SMIM36: variants seen among roughly 807,000 people sequenced by gnomAD.
SMIM36 encodes the protein small integral membrane protein 36.
At chr17:55,467,582 G>C (rs775871725) in intron 3 of SMIM36, among the ~76,000 whole-genome samples, 4 of 152,086 alleles carry the variant, frequency 2.6e-5, no homozygotes, top group Non-Finnish European at 4.4e-5. Flanking sequence ...ATTTTTAGTA[G>C]AGACGGGGTT....
At chr17:55,517,542 G>A in the SMIM36 span, among the ~76,000 whole-genome samples, 3 of 152,178 alleles carry the variant, frequency 2.0e-5, no homozygotes, top group African/African-American at 4.8e-5. Context: ...TAGCCTGGGC[G>A]ACAGAGTGAG....
chr17:55,529,449 G>A, the SMIM36 span, among the ~76,000 whole-genome samples: 1 of 151,916 alleles, frequency 6.6e-6, no homozygotes, highest in Admixed American at 6.6e-5. Flanking sequence ...ATGGTGAAAT[G>A]CCCTCTATAC....
At chr17:55,515,084 G>GTTTTTTTTT (rs1567874075), upstream of SMIM36, among the ~76,000 whole-genome samples, 1 of 56,102 alleles carries the variant, frequency 1.8e-5, no homozygotes, top group Non-Finnish European at 7.1e-5. Context: ...TTCTAGTCTA[G>GTTTTTTTTT]TGTTTTTTTT....
rs558922885 is a variant in SMIM36, at chr17:55,483,603, C to A, written c.*175-4023G>T. Among the ~76,000 whole-genome samples, 9 of 152,248 alleles carry A rather than the reference C, an allele frequency of 5.9e-5. 1 individual carries two copies. The South Asian group carries it at 1.9e-3, about 32-fold the overall frequency. On this transcript the variant is annotated intron_variant, in intron 1 of 4. Coordinates refer to ENST00000636752, the Ensembl canonical transcript of SMIM36. Reference sequence around the variant, plus strand: ...AACTCTCCTCTGGGTTTCTAGTCTGCCTGCCTGCCCTACATATTTCAGAAA... The same window carrying A: ...AACTCTCCTCTGGGTTTCTAGTCTGACTGCCTGCCCTACATATTTCAGAAA...
chr17:55,454,551 G>T (rs898114513), intron 4 of SMIM36, among the ~76,000 whole-genome samples: 10 of 152,108 alleles, frequency 6.6e-5, no homozygotes, highest in African/African-American at 2.2e-4. Flanking sequence ...AACAACTGGG[G>T]ATAACCACTC....
At chr17:55,486,031 T>C (rs998440498) in intron 1 of SMIM36, among the ~76,000 whole-genome samples, 10 of 132,110 alleles carry the variant, frequency 7.6e-5, no homozygotes, top group African/African-American at 2.9e-4. Context: ...TTTTTTTTTT[T>C]CCTTTATTCT....
chr17:55,492,929 T>C (rs1909739099), intron 1 of SMIM36, among the ~76,000 whole-genome samples: 1 of 152,244 alleles, frequency 6.6e-6, no homozygotes, highest in Non-Finnish European at 1.5e-5. Flanking sequence ...TGAGAACATT[T>C]GTCACGGTTT....
chr17:55,517,222 G>C, the SMIM36 span, among the ~76,000 whole-genome samples: 1 of 152,194 alleles, frequency 6.6e-6, no homozygotes, highest in Non-Finnish European at 1.5e-5. Context: ...ATAATGGAGA[G>C]TTTCTAAGAC....
chr17:55,526,694 T>C, the SMIM36 span, among the ~76,000 whole-genome samples: 1 of 152,208 alleles, frequency 6.6e-6, no homozygotes, highest in Non-Finnish European at 1.5e-5. Context: ...TTTTCTCATT[T>C]TCCACTTCTT....
chr17:55,510,032 C>T (rs552301393), intron 1 of SMIM36, among the ~76,000 whole-genome samples: 1 of 152,052 alleles, frequency 6.6e-6, no homozygotes, highest in Admixed American at 6.5e-5. Flanking sequence ...CATAGCTAAC[C>T]CTGTGTGTCA....
chr17:55,485,466 T>TTC (rs33998540), intron 1 of SMIM36, among the ~76,000 whole-genome samples: 9 of 150,904 alleles, frequency 6.0e-5, no homozygotes, highest in Non-Finnish European at 7.4e-5. Context: ...TTTTTTTTTT[T>TTC]CCTGTACAGA....
At chr17:55,468,483 C>G (rs1033594443) in intron 3 of SMIM36, 3 of 153,176 alleles carry the variant, frequency 2.0e-5, no homozygotes, top group African/African-American at 7.2e-5. Context: ...GACAGCCTTC[C>G]GTTGGTGTCT....
At chr17:55,470,825 C>G (rs995893285) in intron 3 of SMIM36, among the ~76,000 whole-genome samples, 1 of 152,080 alleles carries the variant, frequency 6.6e-6, no homozygotes, top group Non-Finnish European at 1.5e-5. Context: ...TGCTCAACAC[C>G]AATATCCCAT....
At chr17:55,501,544 ATAT>A (rs1598457748) in intron 1 of SMIM36, among the ~76,000 whole-genome samples, 1 of 120,724 alleles carries the variant, frequency 8.3e-6, no homozygotes, top group African/African-American at 3.2e-5. Flanking sequence ...ATTATATACA[ATAT>A]TATATATATC....
intron 4 of SMIM36, among the ~76,000 whole-genome samples, chr17:55,452,005 AG>A (rs1340300681): frequency 7.0e-6 from 1 of 142,190 alleles, no homozygotes; most frequent in Non-Finnish European, 1.5e-5. Flanking sequence ...GAGGCTGAGG[AG>A]GGAGGATCAC....
chr17:55,523,341 C>A, the SMIM36 span, among the ~76,000 whole-genome samples: 1 of 151,954 alleles, frequency 6.6e-6, no homozygotes, highest in Non-Finnish European at 1.5e-5. Context: ...ACCTTCCTGG[C>A]CAACATGGTG....
chr17:55,492,221 T>C (rs978641422), intron 1 of SMIM36, among the ~76,000 whole-genome samples: 7 of 139,986 alleles, frequency 5.0e-5, no homozygotes, highest in African/African-American at 1.7e-4. Context: ...ATATTTCTTT[T>C]TTCTTTTCTT....
upstream of SMIM36, among the ~76,000 whole-genome samples, chr17:55,514,753 G>GT (rs759838730): frequency 4.3e-4 from 65 of 152,214 alleles, no homozygotes; most frequent in Non-Finnish European, 4.4e-5. Flanking sequence ...ATAAATATGT[G>GT]TCCCATATAA....
chr17:55,523,344 A>G, the SMIM36 span, among the ~76,000 whole-genome samples: 1 of 152,116 alleles, frequency 6.6e-6, no homozygotes, highest in Non-Finnish European at 1.5e-5. Context: ...TTCCTGGCCA[A>G]CATGGTGAAA....
Sources: gnomAD v4.1 joint callset for allele counts (sites outside exome capture counted in the v4.1 genomes callset) on GRCh38, gnomAD v4.1.1 for gene constraint, MANE v1.5 for transcripts, NCBI Gene and HGNC (gene_info 2026-07-23, HGNC 2026-07-21) for gene names.